FER1L6: variants seen among roughly 807,000 people sequenced by gnomAD.
FER1L6 encodes fer-1-like protein 6.
FER1L6 carries 177 observed loss-of-function variants against 219.2 expected under a neutral mutation model. The observed-to-expected ratio is 0.81, with a 90% CI of 0.71 to 0.91. The LOEUF is 0.91. Ranked by LOEUF, FER1L6 falls within the 40% of genes least tolerant of loss-of-function variation. FER1L6 has a pLI of 0.00. For missense variants in FER1L6, 2,153 were observed against 2,259.9 expected, an observed-to-expected ratio of 0.95 and a Z score of 0.96; for synonymous variants, 768 against 824.3, an observed-to-expected ratio of 0.93 and a Z score of 1.17.
chr8:124,085,989 CTT>C (rs1319882846), intron 33 of FER1L6, among the ~76,000 whole-genome samples: 2 of 152,006 alleles, frequency 1.3e-5, no homozygotes, highest in African/African-American at 4.8e-5. Context: ...TTTTATAGTT[CTT>C]GTCTTGAAAT....
chr8:123,995,253 T>C (rs1463859036), intron 12 of FER1L6, among the ~76,000 whole-genome samples: 25 of 152,330 alleles, frequency 1.6e-4, no homozygotes, highest in East Asian at 1.9e-4. Flanking sequence ...AAAAAACTTG[T>C]GTTTTTCTTT....
chr8:123,947,093 T>C (rs892243687), intron 1 of FER1L6, among the ~76,000 whole-genome samples: 7 of 152,124 alleles, frequency 4.6e-5, no homozygotes, highest in African/African-American at 1.7e-4. Flanking sequence ...GAGACCATCC[T>C]GGCTAACATA....
In FER1L6 at chr8:123,921,883, C is replaced by T. The variant is rs151218469; in HGVS notation, c.-7-34109C>T. Among the ~76,000 whole-genome samples, 34 of 152,250 alleles carry T rather than the reference C, an allele frequency of 2.2e-4. No individual in the cohort carries two copies. In the East Asian group the frequency reaches 6.6e-3, roughly 29 times the overall value. Reference sequence around the variant, plus strand: ...GACTTGAAAGGTGTTTGTCAAGCCGCTTGTAACGTGCCATTGATCTACTGT... The same window carrying T: ...GACTTGAAAGGTGTTTGTCAAGCCGTTTGTAACGTGCCATTGATCTACTGT... On this transcript the variant is annotated intron_variant, in intron 1 of 40. Coordinates refer to ENST00000522917, the MANE Select transcript of FER1L6 (RefSeq NM_001039112.2).
Position 124,099,740 on chromosome 8 carries a change from T to A in FER1L6, c.4884-1357T>A, listed in dbSNP as rs149761183. Among the ~76,000 whole-genome samples, 350 of 152,328 alleles carry A rather than the reference T, an allele frequency of 2.3e-3. 2 individuals carry two copies. Among genetic ancestry groups the A allele is most frequent in the South Asian group, 8.9e-3 (43 of 4,824 alleles). ...TTTTCTCTGAACAGATTCAAGTCCTTAATACATCCTAAAATATCCCAAATA... is the reference window on the plus strand; with the variant it reads ...TTTTCTCTGAACAGATTCAAGTCCTAAATACATCCTAAAATATCCCAAATA... On this transcript the variant is annotated intron_variant, in intron 37 of 40. Transcript: ENST00000522917.
At chr8:124,039,398 C>T (rs563680793) in intron 19 of FER1L6, among the ~76,000 whole-genome samples, 1 of 152,302 alleles carries the variant, frequency 6.6e-6, no homozygotes, top group East Asian at 1.9e-4. Flanking sequence ...CACAGGCACA[C>T]ACCCACACAT....
chr8:123,858,522 G>A (rs905690475), intron 1 of FER1L6, among the ~76,000 whole-genome samples: 21 of 152,186 alleles, frequency 1.4e-4, no homozygotes, highest in African/African-American at 4.8e-4. Flanking sequence ...CTGGATTGAT[G>A]GGGACTGTGC....
intron 1 of FER1L6, among the ~76,000 whole-genome samples, chr8:123,924,144 A>C (rs1586470983): frequency 6.7e-6 from 1 of 148,722 alleles, no homozygotes; most frequent in African/African-American, 2.5e-5. Flanking sequence ...CTGAGGCAGG[A>C]GAATTGCTTG....
chr8:124,001,803 A>G (rs1213277806), intron 12 of FER1L6, among the ~76,000 whole-genome samples: 4 of 152,184 alleles, frequency 2.6e-5, no homozygotes, highest in Admixed American at 2.6e-4. Context: ...GCAAGATACT[A>G]TTTTCATTCT....
At chr8:123,969,975 G>A (rs7008604) in intron 5 of FER1L6, 60 bp from the exon 6 acceptor site, 515,795 of 1,354,994 alleles carry the variant, frequency 0.38, 100,649 homozygotes, top group Non-Finnish European at 0.4. Context: ...CCACTCCAAG[G>A]ACAGGATTCT....
At chr8:124,109,133 G>A (rs569177265) in intron 39 of FER1L6, among the ~76,000 whole-genome samples, 2 of 152,156 alleles carry the variant, frequency 1.3e-5, no homozygotes, top group South Asian at 4.1e-4. Context: ...GAAAGGAGAG[G>A]AGCTCCTTGA....
chr8:124,010,527 C>T (rs781454587), intron 13 of FER1L6, 67 bp from the exon 14 acceptor site: 86 of 1,584,530 alleles, frequency 5.4e-5, no homozygotes, highest in Non-Finnish European at 6.6e-5. Context: ...AAAACATTAA[C>T]GTGTGACTGG....
At chr8:124,071,965 T>C (rs992783834) in intron 31 of FER1L6, among the ~76,000 whole-genome samples, 3 of 152,202 alleles carry the variant, frequency 2.0e-5, no homozygotes, top group African/African-American at 7.2e-5. Context: ...TCATTTAACC[T>C]TAATTACCTC....
At chr8:123,923,898 C>T (rs62518691) in intron 1 of FER1L6, among the ~76,000 whole-genome samples, 1,701 of 148,908 alleles carry the variant, frequency 0.011, 14 homozygotes, top group Non-Finnish European at 0.017. Flanking sequence ...CGAGATCACG[C>T]CCCCGCGCTC....
chr8:124,049,837 G>A, intron 22 of FER1L6, 81 bp downstream of exon 22: 1 of 1,423,154 alleles, frequency 7.0e-7, no homozygotes, highest in Non-Finnish European at 9.9e-7. Flanking sequence ...CCACTTCAAT[G>A]AAGCTGTGCC....
At chr8:124,014,398 T>C (rs906808732) in intron 15 of FER1L6, 1 of 152,740 alleles carries the variant, frequency 6.5e-6, no homozygotes, top group African/African-American at 2.4e-5. Flanking sequence ...GAAAAGTCTT[T>C]CTGGGCAGAT....
At chr8:124,058,502 T>G (rs1181646292) in intron 22 of FER1L6, among the ~76,000 whole-genome samples, 1 of 152,356 alleles carries the variant, frequency 6.6e-6, no homozygotes, top group East Asian at 1.9e-4. Flanking sequence ...AAGCTTAATC[T>G]TGCTGGTAGC....
At chr8:124,001,336 A>C (rs749316536) in intron 12 of FER1L6, among the ~76,000 whole-genome samples, 22 of 152,174 alleles carry the variant, frequency 1.4e-4, no homozygotes, top group Non-Finnish European at 2.2e-4. Flanking sequence ...TCAGACTACA[A>C]GTTTCATCCC....
At chr8:123,985,237 A>G (rs1816513289) in intron 11 of FER1L6, 1 of 152,164 alleles carries the variant, frequency 6.6e-6, no homozygotes, top group South Asian at 2.1e-4. Flanking sequence ...TTATTCAGGT[A>G]AAATGTGGAG....
At chr8:124,030,473 T>C (rs1214560335) in intron 18 of FER1L6, among the ~76,000 whole-genome samples, 1 of 152,140 alleles carries the variant, frequency 6.6e-6, no homozygotes, top group East Asian at 1.9e-4. Flanking sequence ...ATCCCCACTG[T>C]GCTCCTGATG....
Sources: gnomAD v4.1 joint callset for allele counts (sites outside exome capture counted in the v4.1 genomes callset) on GRCh38, gnomAD v4.1.1 for gene constraint, MANE v1.5 for transcripts, NCBI Gene and HGNC (gene_info 2026-07-23, HGNC 2026-07-21) for gene names.